The following DYNC1I1 variants were observed in gnomAD, a reference collection of about 807,000 sequenced individuals.
DYNC1I1 encodes the protein dynein cytoplasmic 1 intermediate chain 1, also known as cytoplasmic dynein 1 intermediate chain 1.
A neutral mutation model predicts 86.6 loss-of-function variants in DYNC1I1; 43 were observed. The observed-to-expected ratio is 0.50, with a 90% CI of 0.39 to 0.64. DYNC1I1 has a LOEUF of 0.64. DYNC1I1 is among the 30% of genes least tolerant of loss of function. The pLI, the probability that DYNC1I1 is intolerant of heterozygous loss-of-function variation, is 0.00. For synonymous variants in DYNC1I1, 262 were observed against 283.7 expected, an observed-to-expected ratio of 0.92 and a Z score of 0.77; for missense variants, 604 against 788.8, an observed-to-expected ratio of 0.77 and a Z score of 2.81.
chr7:95,894,880 G>A (rs1439235137), intron 6 of DYNC1I1, among the ~76,000 whole-genome samples: 1 of 152,190 alleles, frequency 6.6e-6, no homozygotes, highest in African/African-American at 2.4e-5. Flanking sequence ...AAACTTCTTA[G>A]CCCAATTCGT....
chr7:95,991,868 T>G (rs2115730832), intron 9 of DYNC1I1, among the ~76,000 whole-genome samples: 1 of 152,180 alleles, frequency 6.6e-6, no homozygotes, highest in South Asian at 2.1e-4. Flanking sequence ...GCTTATTTAT[T>G]TATTTATTTT....
chr7:96,035,574 C>T, intron 12 of DYNC1I1, 45 bp from the exon 13 acceptor site: 1 of 1,522,844 alleles, frequency 6.6e-7, no homozygotes, highest in South Asian at 1.3e-5. Context: ...TTTGGCATGG[C>T]AAGGAGTTGA....
rs1270483936 is a variant in DYNC1I1, at chr7:96,097,536, A to C, written c.1830A>C (p.Glu610Asp). Reference protein sequence around the residue: ...EWTRFARTLVEIRANRADSEE... With the variant: ...EWTRFARTLVDIRANRADSEE... ...CCCGATTTGCCAGGACCCTTGTGGA[A>C]ATTCGTGCTAACAGAGCTGATAGCG... Residue 610 changes from glutamate (E) to aspartate (D), a missense_variant, in exon 17 of 17, where the codon GAA (glutamate) becomes GAC (aspartate). By Grantham distance (45) the Glu-to-Asp change is conservative. Transcript: ENST00000447467. 3 of 1,613,770 alleles carry C rather than the reference A, an allele frequency of 1.9e-6. No homozygotes were observed. The South Asian group carries it at 3.3e-5, about 18-fold the overall frequency.
chr7:95,775,930 C>G (rs753144227), intron 1 of DYNC1I1, among the ~76,000 whole-genome samples: 1 of 151,898 alleles, frequency 6.6e-6, no homozygotes, highest in African/African-American at 2.4e-5. Flanking sequence ...ATGTATAAAC[C>G]CTTGACGAGG....
At chr7:95,968,577 T>C (rs1212787116) in intron 6 of DYNC1I1, among the ~76,000 whole-genome samples, 1 of 152,174 alleles carries the variant, frequency 6.6e-6, no homozygotes, top group Admixed American at 6.5e-5. Context: ...CTCCTAAAAG[T>C]TAAATATCAT....
At chr7:96,033,553 A>C (rs1794863759) in intron 12 of DYNC1I1, among the ~76,000 whole-genome samples, 1 of 152,208 alleles carries the variant, frequency 6.6e-6, no homozygotes, top group African/African-American at 2.4e-5. Context: ...ACAACAGAGA[A>C]GTCATTGTTA....
At chr7:96,064,226 CTCTCTCT>C (rs1403548486) in intron 14 of DYNC1I1, among the ~76,000 whole-genome samples, 2 of 151,446 alleles carry the variant, frequency 1.3e-5, no homozygotes, top group African/African-American at 4.9e-5. Context: ...CTCTCTCTCT[CTCTCTCT>C]CTCTCTCTCT....
intron 10 of DYNC1I1, among the ~76,000 whole-genome samples, chr7:96,022,385 T>A (rs1433791785): frequency 6.6e-6 from 1 of 152,156 alleles, no homozygotes; most frequent in African/African-American, 2.4e-5. Context: ...TAGAATCAGC[T>A]GCTTTTTATT....
intron 7 of DYNC1I1, among the ~76,000 whole-genome samples, chr7:95,978,761 A>G (rs1203276619): frequency 6.6e-6 from 1 of 152,090 alleles, no homozygotes; most frequent in Non-Finnish European, 1.5e-5. Flanking sequence ...CCAAATGCCT[A>G]TTACAAATGA....
At chr7:95,939,749 C>G (rs1792150572) in intron 6 of DYNC1I1, among the ~76,000 whole-genome samples, 1 of 151,962 alleles carries the variant, frequency 6.6e-6, no homozygotes, top group African/African-American at 2.4e-5. Context: ...GACTCTTTAT[C>G]CAATTTGCCA....
chr7:95,994,426 T>A (rs1584234795), intron 9 of DYNC1I1, among the ~76,000 whole-genome samples: 1 of 152,130 alleles, frequency 6.6e-6, no homozygotes, highest in African/African-American at 2.4e-5. Flanking sequence ...AAGTGGTTGG[T>A]TAAGTCAGGA....
intron 11 of DYNC1I1, among the ~76,000 whole-genome samples, chr7:96,029,229 A>T (rs1794752620): frequency 6.6e-6 from 1 of 152,224 alleles, no homozygotes; most frequent in East Asian, 1.9e-4. Context: ...ATACCAAGTC[A>T]GCCCCAATTC....
chr7:95,859,061 A>G (rs764041967), intron 5 of DYNC1I1, among the ~76,000 whole-genome samples: 3 of 149,754 alleles, frequency 2.0e-5, no homozygotes, highest in Non-Finnish European at 3.0e-5. Context: ...CTTCAAGTTC[A>G]TAAGTTCTTC....
At chr7:95,938,631 G>A (rs1010740327) in intron 6 of DYNC1I1, among the ~76,000 whole-genome samples, 9 of 152,106 alleles carry the variant, frequency 5.9e-5, no homozygotes, top group African/African-American at 1.9e-4. Context: ...TTTCTCATCT[G>A]TAATATGGAT....
At chr7:95,980,272 GT>G (rs1197063510) in intron 7 of DYNC1I1, among the ~76,000 whole-genome samples, 3 of 150,294 alleles carry the variant, frequency 2.0e-5, no homozygotes, top group Non-Finnish European at 4.4e-5. Context: ...CACATAATGG[GT>G]TAAAAGGATG....
intron 6 of DYNC1I1, among the ~76,000 whole-genome samples, chr7:95,905,527 A>G (rs760149364): frequency 1.3e-5 from 2 of 152,276 alleles, no homozygotes; most frequent in East Asian, 3.9e-4. Context: ...TCTAAGACTC[A>G]TGCTAATATT....
chr7:96,053,023 G>T (rs1219195102), intron 14 of DYNC1I1, among the ~76,000 whole-genome samples: 1 of 152,026 alleles, frequency 6.6e-6, no homozygotes, highest in Non-Finnish European at 1.5e-5. Flanking sequence ...GTAACCCCTG[G>T]ATACATCACA....
Position 95,776,030 on chromosome 7 carries a change from G to A in DYNC1I1, c.-10+3257G>A, listed in dbSNP as rs186783429. Among the ~76,000 whole-genome samples, 158 of 152,190 alleles carry A rather than the reference G, an allele frequency of 1.0e-3. 1 individual carries two copies. The highest frequency in any genetic ancestry group is 3.7e-3 in the African/African-American group (153 of 41,520). On this transcript the variant is annotated intron_variant, in intron 1 of 16. Coordinates refer to ENST00000447467, the MANE Select transcript of DYNC1I1 (RefSeq NM_001135556.2). ...GGAAGCCAAGGCAGACCAATCACTTGAGGCCAGGAGTTAGAGACCAGGCTG... is the reference window on the plus strand; with the variant it reads ...GGAAGCCAAGGCAGACCAATCACTTAAGGCCAGGAGTTAGAGACCAGGCTG...
intron 6 of DYNC1I1, among the ~76,000 whole-genome samples, chr7:95,948,914 C>T (rs75480702): frequency 0.067 from 10,119 of 152,074 alleles, 664 homozygotes; most frequent in African/African-American, 0.16. Flanking sequence ...ATCCAGATAC[C>T]CAGTGTCTTT....
Sources: allele counts gnomAD v4.1 joint callset (sites outside exome capture counted in the v4.1 genomes callset), GRCh38; gene constraint gnomAD v4.1.1; transcripts MANE v1.5; gene names NCBI Gene and HGNC (gene_info 2026-07-23, HGNC 2026-07-21).